VWA3B: variants seen among roughly 807,000 people sequenced by gnomAD.
The protein encoded by VWA3B is von Willebrand factor A domain-containing protein 3B.
In VWA3B, 138 loss-of-function variants were observed where a neutral mutation model predicts 158.3. The observed-to-expected ratio is 0.87, with a 90% CI of 0.76 to 1.00. VWA3B has a LOEUF of 1.00. Ranked by LOEUF, VWA3B falls within the 50% of genes least tolerant of loss-of-function variation. The pLI is 0.00. For synonymous variants in VWA3B, 596 were observed against 587.3 expected (o/e 1.01, Z -0.21); for missense variants, 1,555 against 1,565.1 (o/e 0.99, Z 0.11).
intron 19 of VWA3B, among the ~76,000 whole-genome samples, chr2:98,240,784 G>A (rs1686026529): frequency 6.6e-6 from 1 of 152,108 alleles, no homozygotes; most frequent in African/African-American, 2.4e-5. Context: ...TGAGATGTAT[G>A]TGATATATCC....
At position 98,313,131 on chromosome 2, in the gene VWA3B, T is replaced by A. The variant is rs1350148344; in HGVS notation, c.*782T>A. 1 of 152,110 alleles carries A rather than the reference T, an allele frequency of 6.6e-6. No individual in the cohort carries two copies. Among genetic ancestry groups the A allele is most frequent in the Non-Finnish European group, 1.5e-5 (1 of 68,026 alleles). The allele number at this position is 152,110 out of a possible 1,614,324, so 9.4% of individuals were successfully genotyped here. A position where few individuals can be genotyped will look rare whatever the true frequency, so the allele number is the denominator to read the frequency against. On this transcript the variant is annotated 3_prime_UTR_variant, in exon 28 of 28. Coordinates refer to ENST00000477737, the MANE Select transcript of VWA3B (RefSeq NM_144992.5). ...GCACAGGTCATCACTAGGGAAAATA[T>A]TGGATGCTTTTTGCAAACAGAACAG...
intron 4 of VWA3B, 117 bp downstream of exon 4, chr2:98,119,880 TTATACTTTCC>T: frequency 7.8e-7 from 1 of 1,281,354 alleles, no homozygotes; most frequent in Non-Finnish European, 1.1e-6. Context: ...AGGCATTATC[TTATACTTTCC>T]TAGAAGATGT....
At chr2:98,295,936 C>A (rs780594516) in intron 23 of VWA3B, among the ~76,000 whole-genome samples, 1 of 152,128 alleles carries the variant, frequency 6.6e-6, no homozygotes, top group Non-Finnish European at 1.5e-5. Flanking sequence ...GAAGCCAGAC[C>A]GTAAGAAACT....
intron 21 of VWA3B, among the ~76,000 whole-genome samples, chr2:98,266,554 T>G (rs2105869479): frequency 6.8e-6 from 1 of 146,328 alleles, no homozygotes; most frequent in Admixed American, 6.8e-5. Context: ...CATATGAACT[T>G]TAAAGTAGTT....
chr2:98,212,011 G>A lies in VWA3B; in HGVS notation c.1819G>A (p.Asp607Asn), dbSNP rs371420742. Residue 607 changes from aspartate to asparagine, a missense_variant, in exon 13 of 28, where the codon GAT (aspartate) becomes AAT (asparagine). Physicochemically the swap from Asp to Asn is conservative, Grantham distance 23. Coordinates refer to ENST00000477737, the MANE Select transcript of VWA3B (RefSeq NM_144992.5). ...KETQAIYLLTDGRPDQPPETV... is the reference protein window; with the variant it reads ...KETQAIYLLTNGRPDQPPETV... ...AACACAGGCAATCTACCTTCTGACC[G>A]ATGGGAGACCTGATCAGGTACTTAC... is the stretch of plus-strand genomic sequence containing the variant. The A allele has an allele frequency of 5.3e-5, 85 of 1,614,040 alleles. No individual in the cohort carries two copies. The highest frequency in any genetic ancestry group is 2.0e-4 in the African/African-American group (15 of 75,036).
intron 22 of VWA3B, among the ~76,000 whole-genome samples, chr2:98,280,665 G>C (rs941546439): frequency 4.6e-5 from 7 of 152,266 alleles, no homozygotes; most frequent in Non-Finnish European, 8.8e-5. Context: ...AAACTGCACT[G>C]GGGTTTTGGG....
intron 14 of VWA3B, among the ~76,000 whole-genome samples, chr2:98,222,321 T>A (rs1361475218): frequency 6.6e-6 from 1 of 152,180 alleles, no homozygotes; most frequent in East Asian, 1.9e-4. Context: ...ACCAGATACA[T>A]AGTTATGCCC....
chr2:98,318,559 C>T, the VWA3B span, among the ~76,000 whole-genome samples: 1 of 152,074 alleles, frequency 6.6e-6, no homozygotes, highest in African/African-American at 2.4e-5. Context: ...ACAAAACACA[C>T]TGTGGCGTAT....
chr2:98,285,665 G>GA (rs779360483), intron 22 of VWA3B, among the ~76,000 whole-genome samples: 78 of 135,160 alleles, frequency 5.8e-4, no homozygotes, highest in East Asian at 1.3e-3. Flanking sequence ...AGTTTCAAAA[G>GA]AAAAAAAAAA....
intron 9 of VWA3B, among the ~76,000 whole-genome samples, chr2:98,185,792 C>T (rs912203387): frequency 7.2e-5 from 11 of 152,236 alleles, no homozygotes; most frequent in African/African-American, 2.4e-4. Flanking sequence ...CTCTCCCTTT[C>T]TACATCACAG....
intron 7 of VWA3B, among the ~76,000 whole-genome samples, chr2:98,136,201 T>C (rs554246798): frequency 5.4e-4 from 82 of 152,318 alleles, no homozygotes; most frequent in Non-Finnish European, 1.0e-3. Flanking sequence ...GCAGTTAAGA[T>C]AAAAAATGTT....
intron 7 of VWA3B, among the ~76,000 whole-genome samples, chr2:98,140,094 G>A (rs989264225): frequency 3.3e-5 from 5 of 152,150 alleles, no homozygotes; most frequent in Admixed American, 6.5e-5. Flanking sequence ...GCGAGACCAC[G>A]AACCCACCAG....
At chr2:98,276,702 C>T (rs1311370238) in intron 22 of VWA3B, among the ~76,000 whole-genome samples, 4 of 151,760 alleles carry the variant, frequency 2.6e-5, no homozygotes, top group African/African-American at 4.9e-5. Context: ...GTGGCCACTG[C>T]GTTTGGAGTG....
intron 22 of VWA3B, among the ~76,000 whole-genome samples, chr2:98,277,201 A>G (rs1688578155): frequency 6.6e-6 from 1 of 152,174 alleles, no homozygotes; most frequent in Non-Finnish European, 1.5e-5. Flanking sequence ...CTCACTGACT[A>G]CATAATGACA....
In VWA3B at chr2:98,192,914, G is replaced by A; in HGVS notation, c.1483G>A (p.Asp495Asn). 1 of 1,614,198 alleles carries A rather than the reference G, an allele frequency of 6.2e-7. No individual in the cohort carries two copies. The highest frequency in any genetic ancestry group is 8.5e-7 in the Non-Finnish European group (1 of 1,180,040). The change falls in exon 11 of 28, where the codon GAT becomes AAT. Residue 495 changes from aspartate to asparagine, a missense_variant. Physicochemically the swap from Asp to Asn is conservative, Grantham distance 23. Coordinates refer to ENST00000477737, the MANE Select transcript of VWA3B (RefSeq NM_144992.5). The stretch of plus-strand genomic sequence containing the variant: ...CCTGCCTAGGATTAAATGGCTACAG[G>A]ATGGGAGTCAAAGCCTCTTTGGAAG... ...RIRRRIKWLQ[D>N]GSQSLFGRLH...
At position 98,119,559 on chromosome 2, in the gene VWA3B, C is replaced by T; in HGVS notation, c.338C>T (p.Thr113Ile). 1 of 1,613,992 alleles carries T rather than the reference C, an allele frequency of 6.2e-7. No individual in the cohort carries two copies. Among genetic ancestry groups the T allele is most frequent in the Non-Finnish European group, 8.5e-7 (1 of 1,179,994 alleles). The change falls in exon 4 of 28, where the codon ACA becomes ATA. Residue 113 changes from threonine (T) to isoleucine (I), a missense_variant. Coordinates refer to ENST00000477737, the MANE Select transcript of VWA3B (RefSeq NM_144992.5). ...ELIYQFVEHL[T>I]QAVESYKQRM... ...ATTTATCAGTTTGTGGAACATTTAA[C>T]ACAAGCTGTGGAGAGCTACAAGCAG... is the stretch of plus-strand genomic sequence containing the variant.
At chr2:98,091,698 A>C (rs550608816) in intron 1 of VWA3B, among the ~76,000 whole-genome samples, 1 of 152,366 alleles carries the variant, frequency 6.6e-6, no homozygotes, top group African/African-American at 2.4e-5. Context: ...ACTTGGTCCA[A>C]CTGATTTTTG....
At chr2:98,285,572 C>T (rs138694192) in intron 22 of VWA3B, among the ~76,000 whole-genome samples, 1 of 151,774 alleles carries the variant, frequency 6.6e-6, no homozygotes, top group Non-Finnish European at 1.5e-5. Flanking sequence ...TAAGGATTTA[C>T]TTCTGGACTC....
rs1205320223 is a variant in VWA3B, at chr2:98,202,452, C to A, written c.1737+7960C>A. Among the ~76,000 whole-genome samples, 428 of 151,708 alleles carry A rather than the reference C, an allele frequency of 2.8e-3. 3 individuals are homozygous for A. Among genetic ancestry groups the A allele is most frequent in the African/African-American group, 9.6e-3 (396 of 41,392 alleles). On this transcript the variant is annotated intron_variant, in intron 12 of 27. Coordinates refer to ENST00000477737, the MANE Select transcript of VWA3B (RefSeq NM_144992.5). ...AATTTTGTTAATTTTTTCAAGAAAC[C>A]AACTTTTTGTTTCTTTGATTTTCTA... is the stretch of plus-strand genomic sequence containing the variant.
Sources: allele counts gnomAD v4.1 joint callset (sites outside exome capture counted in the v4.1 genomes callset), GRCh38; gene constraint gnomAD v4.1.1; transcripts MANE v1.5; gene names NCBI Gene and HGNC (gene_info 2026-07-23, HGNC 2026-07-21).